Variants in MRPL1 observed in about 807,000 individuals in gnomAD.
MRPL1 encodes large ribosomal subunit protein uL1m.
A neutral mutation model predicts 38.0 loss-of-function variants in MRPL1; 28 were observed. The ratio of observed to expected loss-of-function variants is 0.74; its 90% CI spans 0.55 to 1.01. The LOEUF (loss-of-function observed/expected upper bound fraction) is 1.01. Ranked by LOEUF, MRPL1 falls within the 50% of genes least tolerant of loss-of-function variation. The pLI is 0.00. For synonymous variants in MRPL1, 123 were observed against 126.7 expected (o/e 0.97, Z 0.20); for missense variants, 358 against 389.8 (o/e 0.92, Z 0.69).
chr4:77,864,441 TG>T (rs1249811111), intron 1 of MRPL1: 1 of 152,206 alleles, frequency 6.6e-6, no homozygotes, highest in Non-Finnish European at 1.5e-5. Flanking sequence ...CCAAAGTTTG[TG>T]GCTTTGATTA....
At chr4:77,903,485 A>G (rs1214969207) in intron 6 of MRPL1, among the ~76,000 whole-genome samples, 6 of 152,234 alleles carry the variant, frequency 3.9e-5, no homozygotes, top group Non-Finnish European at 8.8e-5. Flanking sequence ...AGGTCAGTGA[A>G]ATAAAGGGCA....
At chr4:77,893,748 T>C (rs1348876733) in intron 5 of MRPL1, among the ~76,000 whole-genome samples, 1 of 152,196 alleles carries the variant, frequency 6.6e-6, no homozygotes, top group Non-Finnish European at 1.5e-5. Context: ...TTAGTGGTTA[T>C]TAATTTTACA....
At chr4:77,893,226 C>T (rs1240102716) in intron 5 of MRPL1, among the ~76,000 whole-genome samples, 1 of 152,156 alleles carries the variant, frequency 6.6e-6, no homozygotes, top group East Asian at 1.9e-4. Context: ...AAGCAATCCT[C>T]CCACCTCAGC....
chr4:77,875,425 A>G (rs1328649608), intron 2 of MRPL1, among the ~76,000 whole-genome samples: 1 of 151,996 alleles, frequency 6.6e-6, no homozygotes, highest in Non-Finnish European at 1.5e-5. Context: ...TTGGGAGGCC[A>G]AGGTGGGTGG....
At position 77,946,106 on chromosome 4, in the gene MRPL1, G is replaced by A. The variant is rs181379770; in HGVS notation, c.778-3691G>A. On this transcript the variant is annotated intron_variant, in intron 7 of 8. Coordinates refer to ENST00000315567, the MANE Select transcript of MRPL1 (RefSeq NM_020236.4). ...GCGTATTTCAGTCCTTATCTCAACC[G>A]CGTAAGACAGACACTCCCAGAGCGG... 5.7e-3 allele frequency among the ~76,000 whole-genome samples: 867 copies of A among 152,124 alleles called. 8 individuals are homozygous for A. The highest frequency in any genetic ancestry group is 0.014 in the Middle Eastern group (4 of 294).
chr4:77,878,043 T>C (rs1735442816), intron 2 of MRPL1, among the ~76,000 whole-genome samples: 1 of 152,178 alleles, frequency 6.6e-6, no homozygotes, highest in Non-Finnish European at 1.5e-5. Context: ...AAGAGGTTTA[T>C]ACTGTCACAC....
intron 5 of MRPL1, among the ~76,000 whole-genome samples, chr4:77,887,973 A>G (rs1735721043): frequency 6.6e-6 from 1 of 152,178 alleles, no homozygotes; most frequent in Admixed American, 6.5e-5. Context: ...TGAAATCCAC[A>G]AGGTCGCATG....
chr4:77,916,741 A>C (rs931286338), intron 7 of MRPL1, among the ~76,000 whole-genome samples: 3 of 152,176 alleles, frequency 2.0e-5, no homozygotes, highest in Non-Finnish European at 4.4e-5. Context: ...ATGGGCCTTT[A>C]GTTTGTGTCC....
At position 77,902,032 on chromosome 4, in the gene MRPL1, A is replaced by G. The variant is rs185784772; in HGVS notation, c.671-7234A>G. Among the ~76,000 whole-genome samples the G allele has an allele frequency of 2.6e-5, 4 of 152,354 alleles. No homozygotes were observed. In the East Asian group the frequency reaches 7.7e-4, roughly 29 times the overall value. On this transcript the variant is annotated intron_variant, in intron 6 of 8. Transcript: ENST00000315567. Reference sequence around the variant, plus strand: ...GTGTTCTGATTTGCAACTGAGTTAAATTAGAAATCAGTAACCATGAAAAAT... The same window carrying G: ...GTGTTCTGATTTGCAACTGAGTTAAGTTAGAAATCAGTAACCATGAAAAAT...
At chr4:77,930,950 C>T (rs112051078) in intron 7 of MRPL1, among the ~76,000 whole-genome samples, 20 of 152,262 alleles carry the variant, frequency 1.3e-4, no homozygotes, top group Middle Eastern at 3.4e-3. Flanking sequence ...GACTCAATGA[C>T]GAGACAGCAG....
chr4:77,931,634 G>T (rs1334598323), intron 7 of MRPL1, among the ~76,000 whole-genome samples: 1 of 152,188 alleles, frequency 6.6e-6, no homozygotes, highest in East Asian at 1.9e-4. Context: ...CACAGCTGCA[G>T]AACTATTCAA....
intron 2 of MRPL1, among the ~76,000 whole-genome samples, chr4:77,881,409 C>A (rs1460931897): frequency 6.8e-6 from 1 of 147,120 alleles, no homozygotes; most frequent in African/African-American, 2.5e-5. Context: ...ATTTTGGAGT[C>A]TTTATTCTCT....
At chr4:77,872,025 C>T (rs1378541553) in intron 2 of MRPL1, among the ~76,000 whole-genome samples, 170 bp downstream of exon 2, 1 of 152,122 alleles carries the variant, frequency 6.6e-6, no homozygotes, top group Non-Finnish European at 1.5e-5. Context: ...TAATACTTAA[C>T]GTTTATTGAA....
At chr4:77,919,438 A>G (rs1375091426) in intron 7 of MRPL1, among the ~76,000 whole-genome samples, 1 of 152,142 alleles carries the variant, frequency 6.6e-6, no homozygotes, top group African/African-American at 2.4e-5. Flanking sequence ...GGTATATATA[A>G]TACCTTTCTG....
intron 8 of MRPL1, among the ~76,000 whole-genome samples, chr4:77,950,356 G>T (rs1246649485): frequency 2.0e-5 from 3 of 152,148 alleles, no homozygotes; most frequent in African/African-American, 7.2e-5. Context: ...GACTCATAGA[G>T]AATCACTCAA....
chr4:77,883,191 A>C, intron 2 of MRPL1, 51 bp from the exon 3 acceptor site: 1 of 1,210,670 alleles, frequency 8.3e-7, no homozygotes, highest in Non-Finnish European at 1.1e-6. Flanking sequence ...TTTTTTAAAA[A>C]AAATCTCTTA....
intron 7 of MRPL1, among the ~76,000 whole-genome samples, chr4:77,914,788 A>T (rs1368566967): frequency 1.3e-5 from 2 of 152,044 alleles, no homozygotes; most frequent in African/African-American, 4.8e-5. Context: ...ATAAAAGGGC[A>T]CTGACGGTAT....
intron 7 of MRPL1, among the ~76,000 whole-genome samples, chr4:77,926,198 G>T (rs1736708853): frequency 6.6e-6 from 1 of 152,166 alleles, no homozygotes; most frequent in South Asian, 2.1e-4. Context: ...CTGGGTAACT[G>T]CCCTTTCCTT....
intron 7 of MRPL1, among the ~76,000 whole-genome samples, chr4:77,947,934 G>GT (rs1258182333): frequency 2.0e-5 from 3 of 152,122 alleles, no homozygotes; most frequent in East Asian, 1.9e-4. Context: ...CATTTTTGTG[G>GT]TTTTTTTAAA....
Sources: gnomAD v4.1 joint callset for allele counts (sites outside exome capture counted in the v4.1 genomes callset) on GRCh38, gnomAD v4.1.1 for gene constraint, MANE v1.5 for transcripts, NCBI Gene and HGNC (gene_info 2026-07-23, HGNC 2026-07-21) for gene names.